The following GPI variants were observed in gnomAD, a reference collection of about 807,000 sequenced individuals.
GPI encodes the protein D-hexose-6-phosphate anomerase.
In GPI, 56 loss-of-function variants were observed where a neutral mutation model predicts 75.8. That is an observed-to-expected ratio of 0.74 (90% CI 0.60 to 0.92). The LOEUF (loss-of-function observed/expected upper bound fraction) is 0.92, where lower values mean the gene tolerates loss of function less well. Ranked by LOEUF, GPI falls within the 40% of genes least tolerant of loss-of-function variation. The pLI, the probability that GPI is intolerant of heterozygous loss-of-function variation, is 0.00. For synonymous variants in GPI, 288 were observed against 285.4 expected (o/e 1.01, Z -0.09); for missense variants, 638 against 741.0 (o/e 0.86, Z 1.61).
intron 4 of GPI, among the ~76,000 whole-genome samples, chr19:34,375,160 T>TA (rs35528136): frequency 6.6e-6 from 1 of 151,248 alleles, no homozygotes; most frequent in Non-Finnish European, 1.5e-5. Context: ...TTTTTTTTTT[T>TA]AAGACGGAGT....
chr19:34,372,633 C>A (rs1178841696), intron 4 of GPI, among the ~76,000 whole-genome samples: 2 of 152,124 alleles, frequency 1.3e-5, no homozygotes, highest in Non-Finnish European at 2.9e-5. Context: ...CAGAGCGAGA[C>A]CCTGTCGTTA....
chr19:34,360,295 T>C (rs868735514), upstream of GPI, among the ~76,000 whole-genome samples: 1 of 152,074 alleles, frequency 6.6e-6, no homozygotes, highest in South Asian at 2.1e-4. Flanking sequence ...GACAACAGAA[T>C]ATAAAATGAC....
In GPI at chr19:34,401,851, C is replaced by T. The variant is rs1485838846; in HGVS notation, c.*1815C>T. 2.0e-5 allele frequency: 3 copies of T among 152,092 alleles called. No homozygotes were observed. The highest frequency in any genetic ancestry group is 2.0e-4 in the Admixed American group (3 of 15,254). 9.4% of individuals were successfully genotyped at this position (152,092 alleles called of 1,614,324 possible). ...TTTTTTGAGAGTCTTGCTTTGTTGC[C>T]CAGGCTGGAGTGCAGTGGTGTGATC... On this transcript the variant is annotated 3_prime_UTR_variant, in exon 18 of 18. Transcript: ENST00000356487.
In GPI at chr19:34,365,200, G is replaced by A. The variant is rs567488016; in HGVS notation, c.-67G>A. The A allele has an allele frequency of 1.5e-3, 2,051 of 1,390,386 alleles. 3 individuals are homozygous for A. The highest frequency in any genetic ancestry group is 1.8e-3 in the Non-Finnish European group (1,891 of 1,067,808). The allele number at this position is 1,390,386 out of a possible 1,614,324, so 86.1% of individuals were successfully genotyped here. A position where few individuals can be genotyped will look rare whatever the true frequency, so the allele number is the denominator to read the frequency against. ...CGCCGCGCGCCCACGCGCCTCGCTT[G>A]CTGCGCGCTGCCGGCGCTCCTTCCT... On this transcript the variant is annotated 5_prime_UTR_variant, in exon 1 of 18. Transcript: ENST00000356487.
upstream of GPI, among the ~76,000 whole-genome samples, chr19:34,360,513 C>T (rs558543106): frequency 3.3e-4 from 50 of 152,182 alleles, no homozygotes; most frequent in African/African-American, 5.3e-4. Context: ...GTGAGAGAAT[C>T]GCTTGAGCCC....
intron 3 of GPI, chr19:34,367,059 T>G (rs1314039640): frequency 5.8e-6 from 4 of 694,298 alleles, no homozygotes; most frequent in African/African-American, 1.8e-5. Flanking sequence ...CTTGGAATGG[T>G]TCCCAGTGTC....
rs566088142 is a variant in GPI at position 34,365,818 on chromosome 19, G to A, written c.122+430G>A. The A allele has an allele frequency of 4.3e-3, 2,045 of 472,570 alleles. 30 individuals are homozygous for A. Among genetic ancestry groups the A allele is most frequent in the Middle Eastern group, 7.9e-3 (25 of 3,154 alleles). The allele number at this position is 472,570 out of a possible 1,614,324, so 29.3% of individuals were successfully genotyped here. A position where few individuals can be genotyped will look rare whatever the true frequency, so the allele number is the denominator to read the frequency against. On this transcript the variant is annotated intron_variant, in intron 1 of 17. Transcript: ENST00000356487. ...TGCAGGGCGGGCAGCCCGGGCGGGG[G>A]TGTTTGAGGGAGCTGGGTGGAAGGA... is the stretch of plus-strand genomic sequence containing the variant.
chr19:34,365,087 C>G, upstream of GPI: 1 of 1,375,960 alleles, frequency 7.3e-7, no homozygotes, highest in Non-Finnish European at 9.5e-7. Flanking sequence ...GGCACCCGGC[C>G]TGGGTATCGG....
At chr19:34,371,599 C>T (rs1017206144) in intron 4 of GPI, among the ~76,000 whole-genome samples, 5 of 151,918 alleles carry the variant, frequency 3.3e-5, no homozygotes, top group African/African-American at 1.2e-4. Flanking sequence ...ACCTGTAATC[C>T]CAGCACCTTG....
chr19:34,397,256 G>A (rs1158351268), intron 14 of GPI: 1 of 156,248 alleles, frequency 6.4e-6, no homozygotes, highest in South Asian at 1.9e-4. Context: ...CTTGTCAGGT[G>A]GTTGGCAGAA....
At position 34,368,587 on chromosome 19, in the gene GPI, G is replaced by A. The variant is rs1436713572; in HGVS notation, c.287G>A (p.Arg96Gln). 2 of 1,614,170 alleles carry A rather than the reference G, an allele frequency of 1.2e-6. No homozygotes were observed. The highest frequency in any genetic ancestry group is 1.1e-5 in the South Asian group (1 of 91,086). ...NGEKINYTEG[R>Q]AVLHVALRNR... ...TATCCTGACCGTAATCCCCAGGGTC[G>A]AGCCGTGCTGCACGTGGCTCTGCGG... is the stretch of plus-strand genomic sequence containing the variant. Residue 96 changes from arginine to glutamine, a missense_variant, in exon 4 of 18, where the codon CGA (arginine) becomes CAA (glutamine). Physicochemically the swap from Arg to Gln is conservative, Grantham distance 43. Coordinates refer to ENST00000356487, the MANE Select transcript of GPI (RefSeq NM_000175.5).
rs1414781726 is a variant in GPI, at chr19:34,401,394, T to C, written c.*1358T>C. 6.6e-6 allele frequency: 1 copy of C among 152,064 alleles called. No homozygotes were observed. The highest frequency in any genetic ancestry group is 1.5e-5 in the Non-Finnish European group (1 of 68,032). 9.4% of individuals were successfully genotyped at this position (152,064 alleles called of 1,614,324 possible). The stretch of plus-strand genomic sequence containing the variant: ...CACCATGCCCGGCTAATTTTTTATA[T>C]ATTTTTTTAGCAGAGACAGTGTCTC... On this transcript the variant is annotated 3_prime_UTR_variant, in exon 18 of 18. Coordinates refer to ENST00000356487, the MANE Select transcript of GPI (RefSeq NM_000175.5).
Position 34,393,680 on chromosome 19 carries a change from A to G in GPI, c.866-48A>G. 3 of 1,590,532 alleles carry G rather than the reference A, an allele frequency of 1.9e-6. No homozygotes were observed. The highest frequency in any genetic ancestry group is 2.6e-6 in the Non-Finnish European group (3 of 1,159,228). Reference sequence around the variant, plus strand: ...AGAAGGAGCTGTGCCCACTGCCCACAGGACGCAGGGTGTGGCCACTTCTGT... The same window carrying G: ...AGAAGGAGCTGTGCCCACTGCCCACGGGACGCAGGGTGTGGCCACTTCTGT... On this transcript the variant is annotated intron_variant, in intron 10 of 17. Transcript: ENST00000356487. This position sits in a 1 kb window ranked among gnomAD's most constrained non-coding sequence, Gnocchi z 4.4.
intron 4 of GPI, among the ~76,000 whole-genome samples, 165 bp from the exon 5 acceptor site, chr19:34,377,328 AAAAAAAAAAT>A (rs2074556726): frequency 2.3e-5 from 2 of 86,984 alleles, no homozygotes; most frequent in African/African-American, 6.9e-5. Context: ...AAAAAAAAAA[AAAAAAAAAAT>A]ATATATATAT....
At chr19:34,379,711 T>C (rs368455617) in intron 8 of GPI, 149 bp downstream of exon 8, 1 of 776,342 alleles carries the variant, frequency 1.3e-6, no homozygotes, top group Non-Finnish European at 2.3e-6. Flanking sequence ...GCTGCAAGCC[T>C]TCCTTGCCTT....
At chr19:34,381,812 A>G (rs2074658138) in intron 9 of GPI, among the ~76,000 whole-genome samples, 1 of 152,194 alleles carries the variant, frequency 6.6e-6, no homozygotes, top group Non-Finnish European at 1.5e-5. Flanking sequence ...CCACGCTCAC[A>G]GAGTTGAGGT....
chr19:34,372,707 G>A (rs1312793418), intron 4 of GPI, among the ~76,000 whole-genome samples: 1 of 152,186 alleles, frequency 6.6e-6, no homozygotes, highest in African/African-American at 2.4e-5. Flanking sequence ...CATTTTGGAA[G>A]GGTGAATCGG....
chr19:34,380,815 G>T, intron 8 of GPI: 1 of 171,978 alleles, frequency 5.8e-6, no homozygotes, highest in Non-Finnish European at 1.3e-5. Flanking sequence ...CCACATCTCT[G>T]CCTCCAGTGC....
At chr19:34,398,963 C>A (rs2074982766) in intron 14 of GPI, 1 of 372,148 alleles carries the variant, frequency 2.7e-6, no homozygotes, top group East Asian at 5.8e-5. Context: ...CCTCGGCCTC[C>A]CAAAGTGTCG....
Sources: gnomAD v4.1 joint callset for allele counts (sites outside exome capture counted in the v4.1 genomes callset) on GRCh38, gnomAD v4.1.1 for gene constraint, Gnocchi (gnomAD v3.1) non-coding constraint, MANE v1.5 for transcripts, NCBI Gene and HGNC (gene_info 2026-07-23, HGNC 2026-07-21) for gene names.